The following UBR3 variants were observed in gnomAD, a reference collection of about 807,000 sequenced individuals.
The protein encoded by UBR3 is ubiquitin protein ligase E3 component n-recognin 3.
UBR3 carries 85 observed loss-of-function variants against 243.2 expected under a neutral mutation model. That is an observed-to-expected ratio of 0.35 (90% confidence interval 0.29 to 0.42). UBR3 has a LOEUF of 0.42. UBR3 is among the 10% of genes least tolerant of loss of function. The probability of loss-of-function intolerance (pLI) is 1.00; values close to 1 mark genes in which losing one functional copy is unlikely to be tolerated. For synonymous variants in UBR3, 748 were observed against 799.8 expected (o/e 0.94, Z 1.09); for missense variants, 1,686 against 2,300.8 (o/e 0.73, Z 5.47).
chr2:169,854,540 C>G (rs2082769777), intron 1 of UBR3, among the ~76,000 whole-genome samples: 1 of 151,914 alleles, frequency 6.6e-6, no homozygotes, highest in South Asian at 2.1e-4. Flanking sequence ...GGAATTTTAA[C>G]TTAGATTAAG....
chr2:169,995,264 T>C lies in UBR3; in HGVS notation c.3918+808T>C, dbSNP rs1574360446. On this transcript the variant is annotated intron_variant, in intron 26 of 38. Transcript: ENST00000272793. The stretch of plus-strand genomic sequence containing the variant: ...GGAAGTGCTCTTTAACGATTTTCAC[T>C]TTGCAAACATTTATTCCTTAATTTA... Among the ~76,000 whole-genome samples, 3 of 152,332 alleles carry C rather than the reference T, an allele frequency of 2.0e-5. No individual in the cohort carries two copies. The South Asian group carries it at 6.2e-4, about 32-fold the overall frequency.
intron 13 of UBR3, among the ~76,000 whole-genome samples, chr2:169,924,806 G>A (rs780995998): frequency 5.9e-5 from 9 of 152,098 alleles, no homozygotes; most frequent in East Asian, 1.9e-4. Flanking sequence ...AGGCCAAGGC[G>A]GGCAGATCAC....
chr2:170,002,399 T>C (rs1466543302), intron 27 of UBR3, among the ~76,000 whole-genome samples: 1 of 152,214 alleles, frequency 6.6e-6, no homozygotes, highest in East Asian at 1.9e-4. Context: ...CCCATTTTCC[T>C]CAGCAGCTAT....
chr2:169,971,673 C>T, intron 24 of UBR3, among the ~76,000 whole-genome samples: 1 of 152,090 alleles, frequency 6.6e-6, no homozygotes, highest in Non-Finnish European at 1.5e-5. Flanking sequence ...CTGTTCTGTT[C>T]CATTGATCTA....
At chr2:169,851,245 C>T (rs1386558949) in intron 1 of UBR3, among the ~76,000 whole-genome samples, 2 of 152,316 alleles carry the variant, frequency 1.3e-5, no homozygotes, top group South Asian at 2.1e-4. Flanking sequence ...TCACCTCAGC[C>T]TCCTGAGTAG....
intron 31 of UBR3, among the ~76,000 whole-genome samples, chr2:170,033,621 C>T (rs1021885258): frequency 6.5e-5 from 7 of 107,044 alleles, no homozygotes; most frequent in Admixed American, 2.6e-4. Context: ...TTTTATGGTT[C>T]GTTTATTCAT....
At chr2:169,888,194 A>G (rs979999106) in intron 5 of UBR3, among the ~76,000 whole-genome samples, 1 of 149,916 alleles carries the variant, frequency 6.7e-6, no homozygotes, top group Non-Finnish European at 1.5e-5. Context: ...GCTGGAGTGC[A>G]GTGGCACGAT....
intron 26 of UBR3, among the ~76,000 whole-genome samples, chr2:169,996,934 C>T (rs1040163409): frequency 1.3e-5 from 2 of 151,468 alleles, no homozygotes; most frequent in African/African-American, 4.8e-5. Context: ...CTCTTGACCT[C>T]GTGATCTGCC....
Position 170,083,818 on chromosome 2 carries a change from G to GA in UBR3, c.*1979dup, listed in dbSNP as rs1259879565. ...GTAAATTTTAAAAAAGCACTTGGTT[G>GA]AAAATTGTACTTGAATACATACATG... On this transcript the variant is annotated 3_prime_UTR_variant, in exon 39 of 39. Transcript: ENST00000272793. 3 of 152,558 alleles carry GA rather than the reference G, an allele frequency of 2.0e-5. No individual in the cohort carries two copies. Among genetic ancestry groups the GA allele is most frequent in the Non-Finnish European group, 2.9e-5 (2 of 67,980 alleles). 9.5% of individuals were successfully genotyped at this position (152,558 alleles called of 1,614,324 possible). A position where few individuals can be genotyped will look rare whatever the true frequency, so the allele number is the denominator to read the frequency against.
In UBR3 at chr2:170,079,868, G is replaced by A. The variant is rs1186800667; in HGVS notation, c.5254G>A (p.Glu1752Lys). 5.6e-6 allele frequency: 9 copies of A among 1,613,938 alleles called. No individual in the cohort carries two copies. Among genetic ancestry groups the A allele is most frequent in the Non-Finnish European group, 7.6e-6 (9 of 1,179,970 alleles). ...ATTACCACACCTACTACAGTTGCCT[G>A]AGAATTATAACACCATTTTTCAGTA... ...WKLPHLLQLPENYNTIFQYYH... is the reference protein window; with the variant it reads ...WKLPHLLQLPKNYNTIFQYYH... Residue 1752 changes from glutamate to lysine, a missense_variant, in exon 37 of 39, where the codon GAG (glutamate) becomes AAG (lysine). Physicochemically the swap from Glu to Lys is moderately conservative, Grantham distance 56 (BLOSUM62 1). Transcript: ENST00000272793.
At chr2:170,004,776 T>C (rs2089847722) in intron 27 of UBR3, among the ~76,000 whole-genome samples, 1 of 151,998 alleles carries the variant, frequency 6.6e-6, no homozygotes, top group African/African-American at 2.4e-5. Context: ...CTGGGTGTGG[T>C]GGCGAGTGCC....
At chr2:169,966,225 A>G (rs1319628142) in intron 24 of UBR3, among the ~76,000 whole-genome samples, 2 of 152,128 alleles carry the variant, frequency 1.3e-5, no homozygotes, top group Non-Finnish European at 2.9e-5. Context: ...AAGGTGTTAG[A>G]TTATAACCTT....
At position 170,017,540 on chromosome 2, in the gene UBR3, C is replaced by CACAG. The variant is rs1553535843; in HGVS notation, c.4453+2177_4453+2178insGACA. Among the ~76,000 whole-genome samples, 277 of 43,606 alleles carry CACAG rather than the reference C, an allele frequency of 6.4e-3. 3 individuals carry two copies. The highest frequency in any genetic ancestry group is 0.01 in the African/African-American group (168 of 16,138). 28.6% of individuals were successfully genotyped at this position (43,606 alleles called of 152,430 possible). On this transcript the variant is annotated intron_variant, in intron 30 of 38. Transcript: ENST00000272793. ...AATTACGGACACACACACACACACA[C>CACAG]ACACAGACACACACACACACACACA...
chr2:170,056,003 CTTTTTTT>C (rs34415442), intron 33 of UBR3, among the ~76,000 whole-genome samples: 4 of 88,912 alleles, frequency 4.5e-5, no homozygotes, highest in East Asian at 7.2e-4. Context: ...TCTTTTCTTT[CTTTTTTT>C]TTTTTTTTTT....
chr2:169,987,816 A>G (rs188334532), intron 25 of UBR3, among the ~76,000 whole-genome samples: 164 of 152,278 alleles, frequency 1.1e-3, no homozygotes, highest in African/African-American at 3.8e-3. Flanking sequence ...GGTAAAGTGG[A>G]AAGAGTTAGA....
chr2:169,868,551 T>C (rs1028862440), intron 1 of UBR3, among the ~76,000 whole-genome samples: 5 of 152,220 alleles, frequency 3.3e-5, no homozygotes, highest in African/African-American at 1.2e-4. Flanking sequence ...CATCAAGTGA[T>C]CTGCATGCCT....
intron 5 of UBR3, among the ~76,000 whole-genome samples, chr2:169,881,403 T>G (rs990077763): frequency 3.9e-5 from 6 of 152,090 alleles, no homozygotes; most frequent in Non-Finnish European, 8.8e-5. Context: ...GGTGTTGAAC[T>G]CCTGACCTCA....
At chr2:169,951,500 T>G (rs572128895) in intron 23 of UBR3, among the ~76,000 whole-genome samples, 1 of 152,266 alleles carries the variant, frequency 6.6e-6, no homozygotes, top group East Asian at 1.9e-4. Flanking sequence ...GGTAAACAGA[T>G]AGTTTGTTAG....
intron 24 of UBR3, among the ~76,000 whole-genome samples, chr2:169,979,127 G>C (rs2088602021): frequency 6.6e-6 from 1 of 152,196 alleles, no homozygotes; most frequent in African/African-American, 2.4e-5. Context: ...CAAAGAAGAT[G>C]CAAGAATGGT....
Sources: gnomAD v4.1 joint callset for allele counts (sites outside exome capture counted in the v4.1 genomes callset) on GRCh38, gnomAD v4.1.1 for gene constraint, MANE v1.5 for transcripts, NCBI Gene and HGNC (gene_info 2026-07-23, HGNC 2026-07-21) for gene names.